The following PPP2R2A variants were observed in gnomAD, a reference collection of about 807,000 sequenced individuals.
The protein encoded by PPP2R2A is serine/threonine-protein phosphatase 2A 55 kDa regulatory subunit B alpha isoform.
A neutral mutation model predicts 53.2 loss-of-function variants in PPP2R2A; 9 were observed. That is an observed-to-expected ratio of 0.17 (90% CI 0.10 to 0.30). The LOEUF is 0.30. Ranked by LOEUF, PPP2R2A falls within the 10% of genes least tolerant of loss-of-function variation. The pLI, the probability that PPP2R2A is intolerant of heterozygous loss-of-function variation, is 1.00. For missense variants in PPP2R2A, 235 were observed against 534.6 expected (o/e 0.44, Z 5.53); for synonymous variants, 169 against 174.2 (o/e 0.97, Z 0.23).
chr8:26,326,339 T>A (rs1803085017), intron 2 of PPP2R2A, among the ~76,000 whole-genome samples: 6 of 152,232 alleles, frequency 3.9e-5, no homozygotes. Context: ...ACTGGATTGC[T>A]TTTACTTAAA....
intron 2 of PPP2R2A, among the ~76,000 whole-genome samples, chr8:26,313,237 G>T (rs1287599764): frequency 6.6e-6 from 1 of 151,958 alleles, no homozygotes; most frequent in Non-Finnish European, 1.5e-5. Context: ...GTTTCACTAT[G>T]TTGGCCAGGC....
intron 2 of PPP2R2A, among the ~76,000 whole-genome samples, chr8:26,318,369 G>A (rs147710864): frequency 1.8e-4 from 27 of 152,266 alleles, no homozygotes; most frequent in African/African-American, 6.5e-4. Flanking sequence ...GTACGGTAAT[G>A]GTGTTTGATT....
intron 2 of PPP2R2A, among the ~76,000 whole-genome samples, chr8:26,319,803 T>A (rs981875053): frequency 1.3e-5 from 2 of 152,198 alleles, no homozygotes; most frequent in African/African-American, 2.4e-5. Flanking sequence ...ACATGGAATG[T>A]CTTTTCATTT....
chr8:26,304,942 C>T (rs1426631193), intron 2 of PPP2R2A, among the ~76,000 whole-genome samples: 2 of 152,022 alleles, frequency 1.3e-5, no homozygotes, highest in Non-Finnish European at 2.9e-5. Flanking sequence ...AAACATATAA[C>T]ATTAAATTTA....
At chr8:26,314,156 C>T (rs1453379817) in intron 2 of PPP2R2A, among the ~76,000 whole-genome samples, 1 of 152,186 alleles carries the variant, frequency 6.6e-6, no homozygotes, top group Non-Finnish European at 1.5e-5. Context: ...TGGAGTTCTC[C>T]ATCATGTTTC....
At chr8:26,366,715 TAA>T (rs1459419948) in intron 9 of PPP2R2A, among the ~76,000 whole-genome samples, 1 of 152,150 alleles carries the variant, frequency 6.6e-6, no homozygotes, top group Non-Finnish European at 1.5e-5. Flanking sequence ...ATTCTTCCAT[TAA>T]ACTGTTGCAG....
At chr8:26,355,161 G>A (rs1367257046) in intron 4 of PPP2R2A, among the ~76,000 whole-genome samples, 1 of 152,132 alleles carries the variant, frequency 6.6e-6, no homozygotes, top group Non-Finnish European at 1.5e-5. Context: ...TACGCTATAG[G>A]AGAGCACTTT....
At chr8:26,366,546 T>C (rs1438049937) in intron 9 of PPP2R2A, 140 bp downstream of exon 9, 1 of 496,972 alleles carries the variant, frequency 2.0e-6, no homozygotes, top group Non-Finnish European at 3.4e-6. Flanking sequence ...TACTGGTAGA[T>C]AAAAAATTAA....
intron 2 of PPP2R2A, among the ~76,000 whole-genome samples, chr8:26,319,170 A>T (rs1585348892): frequency 6.6e-6 from 1 of 152,276 alleles, no homozygotes; most frequent in Non-Finnish European, 1.5e-5. Flanking sequence ...AGGCTGCATA[A>T]TCTTATGTAT....
rs769381821 is a variant in PPP2R2A, at chr8:26,364,071, G to A, written c.972+181G>A. Among the ~76,000 whole-genome samples the A allele has an allele frequency of 6.6e-5, 10 of 152,056 alleles. 1 individual carries two copies. Among genetic ancestry groups the A allele is most frequent in the Non-Finnish European group, 1.3e-4 (9 of 68,006 alleles). Reference sequence around the variant, plus strand: ...GTTAAATGTATATATACTTACATAGGTTGTGTTGTCTCTTGAGTTTTGCAG... The same window carrying A: ...GTTAAATGTATATATACTTACATAGATTGTGTTGTCTCTTGAGTTTTGCAG... On this transcript the variant is annotated intron_variant, in intron 8 of 9. Transcript: ENST00000380737.
chr8:26,316,595 G>GT (rs1269790647), intron 2 of PPP2R2A, among the ~76,000 whole-genome samples: 1 of 152,210 alleles, frequency 6.6e-6, no homozygotes, highest in Non-Finnish European at 1.5e-5. Context: ...TTGGGCTGCT[G>GT]TTAACAGAAT....
At chr8:26,345,936 T>G (rs1387916893) in intron 3 of PPP2R2A, among the ~76,000 whole-genome samples, 1 of 152,164 alleles carries the variant, frequency 6.6e-6, no homozygotes. Context: ...TTTTTCAGCT[T>G]TGTTGATTGG....
chr8:26,334,004 A>G (rs1803520241), intron 2 of PPP2R2A, among the ~76,000 whole-genome samples: 1 of 143,162 alleles, frequency 7.0e-6, no homozygotes, highest in African/African-American at 2.7e-5. Context: ...AGAACATTAC[A>G]TTACTTTTTT....
intron 2 of PPP2R2A, among the ~76,000 whole-genome samples, chr8:26,305,397 G>A (rs1801972525): frequency 6.6e-6 from 1 of 152,152 alleles, no homozygotes; most frequent in African/African-American, 2.4e-5. Context: ...GAACCAGGTA[G>A]GTACTTTCTG....
At chr8:26,352,344 C>T (rs1804560699) in intron 3 of PPP2R2A, among the ~76,000 whole-genome samples, 2 of 152,168 alleles carry the variant, frequency 1.3e-5, no homozygotes, top group South Asian at 4.1e-4. Flanking sequence ...ATGTAAACAT[C>T]CCCTCCCAAA....
intron 3 of PPP2R2A, among the ~76,000 whole-genome samples, chr8:26,340,323 A>G (rs1803877401): frequency 6.6e-6 from 1 of 151,974 alleles, no homozygotes; most frequent in Non-Finnish European, 1.5e-5. Flanking sequence ...TGAACTTTTG[A>G]CATGTCGTTT....
At chr8:26,322,371 CTAG>C (rs1802880657) in intron 2 of PPP2R2A, among the ~76,000 whole-genome samples, 1 of 152,206 alleles carries the variant, frequency 6.6e-6, no homozygotes, top group Non-Finnish European at 1.5e-5. Flanking sequence ...CTGTGTGTGA[CTAG>C]TGGCTACTGT....
intron 2 of PPP2R2A, among the ~76,000 whole-genome samples, chr8:26,337,826 G>A (rs908517292): frequency 1.3e-5 from 2 of 152,216 alleles, no homozygotes; most frequent in African/African-American, 4.8e-5. Flanking sequence ...AAGATTAAAT[G>A]CCTTGGACCT....
intron 9 of PPP2R2A, among the ~76,000 whole-genome samples, chr8:26,367,791 A>G (rs561542286): frequency 3.3e-4 from 50 of 152,354 alleles, no homozygotes; most frequent in Admixed American, 7.8e-4. Flanking sequence ...CAGTACTGCC[A>G]TCTAATCCGG....
Sources: allele counts gnomAD v4.1 joint callset (sites outside exome capture counted in the v4.1 genomes callset), GRCh38; gene constraint gnomAD v4.1.1; transcripts MANE v1.5; gene names NCBI Gene and HGNC (gene_info 2026-07-23, HGNC 2026-07-21).